SDHAF3: variants seen among roughly 807,000 people sequenced by gnomAD.
SDHAF3 encodes the protein succinate dehydrogenase assembly factor 3, mitochondrial.
In SDHAF3, 18 loss-of-function variants were observed where a neutral mutation model predicts 11.5. That is an observed-to-expected ratio of 1.56 (90% CI 1.08 to 2.32). The LOEUF is 2.32. SDHAF3 is among the 30% of genes most tolerant of loss of function. The probability of loss-of-function intolerance (pLI) is 0.00; values close to 1 mark genes in which losing one functional copy is unlikely to be tolerated. For missense variants in SDHAF3, 200 were observed against 154.4 expected (o/e 1.30, Z -1.57); for synonymous variants, 72 against 59.3 (o/e 1.21, Z -0.99).
chr7:97,125,428 T>C (rs1791560367), intron 1 of SDHAF3, among the ~76,000 whole-genome samples: 3 of 152,176 alleles, frequency 2.0e-5, no homozygotes, highest in Admixed American at 1.3e-4. Context: ...ACATTGTCTC[T>C]TTGTTCTCAT....
intron 1 of SDHAF3, among the ~76,000 whole-genome samples, chr7:97,141,277 C>T (rs1789033739): frequency 1.3e-5 from 2 of 152,158 alleles, no homozygotes; most frequent in African/African-American, 4.8e-5. Context: ...CCTGTGATCT[C>T]GCCCTGCCTC....
Position 97,134,689 on chromosome 7 carries a change from C to T in SDHAF3, c.174+16792C>T, listed in dbSNP as rs192054298. ...CTTGAACTCCTGACCTCAGATGACC[C>T]GTCTGCCTTGGCCTCCCAAAGTGCT... is the stretch of plus-strand genomic sequence containing the variant. On this transcript the variant is annotated intron_variant, in intron 1 of 1. Transcript: ENST00000432641. Among the ~76,000 whole-genome samples, 380 of 152,280 alleles carry T rather than the reference C, an allele frequency of 2.5e-3. 1 individual carries two copies. Among genetic ancestry groups the T allele is most frequent in the African/African-American group, 8.9e-3 (371 of 41,562 alleles).
chr7:97,146,951 C>T (rs1385448094), intron 1 of SDHAF3, among the ~76,000 whole-genome samples: 1 of 152,056 alleles, frequency 6.6e-6, no homozygotes, highest in Non-Finnish European at 1.5e-5. Context: ...CCGTGTTAGC[C>T]AGGATAGTCT....
intron 1 of SDHAF3, among the ~76,000 whole-genome samples, chr7:97,123,696 C>T (rs550699676): frequency 9.2e-5 from 14 of 151,912 alleles, no homozygotes; most frequent in East Asian, 1.9e-4. Context: ...TTCTAACTGG[C>T]GTGAGATGGT....
intron 1 of SDHAF3, among the ~76,000 whole-genome samples, chr7:97,124,630 A>C (rs1326838567): frequency 6.6e-6 from 1 of 152,214 alleles, no homozygotes; most frequent in Non-Finnish European, 1.5e-5. Flanking sequence ...ATCCATTAGC[A>C]TGGAAGGTTT....
At chr7:97,177,055 T>A (rs1361766699) in intron 1 of SDHAF3, among the ~76,000 whole-genome samples, 2 of 152,106 alleles carry the variant, frequency 1.3e-5, no homozygotes, top group Non-Finnish European at 2.9e-5. Flanking sequence ...ATATATATAT[T>A]TTTAAACTTT....
At chr7:97,147,611 AT>A (rs1273883059) in intron 1 of SDHAF3, among the ~76,000 whole-genome samples, 1 of 152,234 alleles carries the variant, frequency 6.6e-6, no homozygotes, top group African/African-American at 2.4e-5. Context: ...TCATGCTGCC[AT>A]GGGGGAGTGC....
intron 1 of SDHAF3, among the ~76,000 whole-genome samples, chr7:97,161,744 G>T (rs549291452): frequency 6.6e-6 from 1 of 152,240 alleles, no homozygotes; most frequent in African/African-American, 2.4e-5. Flanking sequence ...CTTCATCCAT[G>T]CCCCTGCGAA....
intron 1 of SDHAF3, among the ~76,000 whole-genome samples, chr7:97,176,785 CCT>C (rs1789686319): frequency 6.6e-6 from 1 of 151,750 alleles, no homozygotes; most frequent in Admixed American, 6.6e-5. Flanking sequence ...TAAATTATAC[CCT>C]AAGTGAAATA....
intron 1 of SDHAF3, among the ~76,000 whole-genome samples, chr7:97,146,124 CT>C (rs1470197901): frequency 6.6e-6 from 1 of 151,356 alleles, no homozygotes; most frequent in African/African-American, 2.4e-5. Flanking sequence ...CCCCCCCCCA[CT>C]TTTGAACGCT....
intron 1 of SDHAF3, among the ~76,000 whole-genome samples, chr7:97,179,716 CT>C (rs1322176115): frequency 1.3e-5 from 2 of 151,772 alleles, no homozygotes; most frequent in East Asian, 1.9e-4. Flanking sequence ...CTCCCCACCC[CT>C]ACCCCCCCTA....
chr7:97,168,558 TA>T (rs1789551619), intron 1 of SDHAF3, among the ~76,000 whole-genome samples: 1 of 152,216 alleles, frequency 6.6e-6, no homozygotes, highest in Admixed American at 6.5e-5. Flanking sequence ...CTGTCTCAGT[TA>T]TAATTTTGCA....
At chr7:97,173,525 T>TA (rs944305414) in intron 1 of SDHAF3, among the ~76,000 whole-genome samples, 1 of 150,632 alleles carries the variant, frequency 6.6e-6, no homozygotes, top group African/African-American at 2.4e-5. Flanking sequence ...ACCATACTAT[T>TA]ATGTCACCTC....
chr7:97,174,211 G>A lies in SDHAF3; in HGVS notation c.175-6801G>A, dbSNP rs143619332. 1.1e-4 allele frequency among the ~76,000 whole-genome samples: 17 copies of A among 152,272 alleles called. No homozygotes were observed. In the East Asian group the frequency reaches 2.9e-3, roughly 26 times the overall value. ...TGGGATTACAGGCATGAGCCACTGT[G>A]AGCATTTTTGTTCAAATAAGAAAGT... On this transcript the variant is annotated intron_variant, in intron 1 of 1. Coordinates refer to ENST00000432641, the MANE Select transcript of SDHAF3 (RefSeq NM_020186.3).
Position 97,117,721 on chromosome 7 carries a change from G to C in SDHAF3, c.-3G>C. The C allele has an allele frequency of 1.2e-6, 2 of 1,610,924 alleles. No homozygotes were observed. The highest frequency in any genetic ancestry group is 1.7e-6 in the Non-Finnish European group (2 of 1,178,400). On this transcript the variant is annotated 5_prime_UTR_variant, in exon 1 of 2. Coordinates refer to ENST00000432641, the MANE Select transcript of SDHAF3 (RefSeq NM_020186.3). ...GCGCAGTCGGCGGTCGGCGTGGGGC[G>C]CTATGCCGGGGCGGCACGTTTCTCG...
At chr7:97,138,972 T>G (rs912805192) in intron 1 of SDHAF3, among the ~76,000 whole-genome samples, 9 of 152,086 alleles carry the variant, frequency 5.9e-5, no homozygotes, top group Non-Finnish European at 1.3e-4. Context: ...ACACTCAGCC[T>G]GTGTCTGGGC....
chr7:97,168,421 T>A (rs747914129), intron 1 of SDHAF3, among the ~76,000 whole-genome samples: 4 of 152,158 alleles, frequency 2.6e-5, no homozygotes, highest in Non-Finnish European at 5.9e-5. Context: ...TGGGAAAGAT[T>A]GTGTTATATT....
intron 1 of SDHAF3, among the ~76,000 whole-genome samples, chr7:97,145,280 A>G (rs558971036): frequency 6.6e-6 from 1 of 152,120 alleles, no homozygotes; most frequent in Non-Finnish European, 1.5e-5. Context: ...GTCTGGGAAG[A>G]TGTAACTAAA....
rs1236277809 is a variant in SDHAF3, at chr7:97,136,392, T to C, written c.174+18495T>C. The C allele has an allele frequency of 4.7e-6, 3 of 640,318 alleles. 1 individual carries two copies. Among genetic ancestry groups the C allele is most frequent in the Non-Finnish European group, 8.6e-6 (3 of 346,942 alleles). The allele number at this position is 640,318 out of a possible 1,614,324, so 39.7% of individuals were successfully genotyped here. Reference sequence around the variant, plus strand: ...AATCAAATTTGTTTTAAATAGGGTATGTCCAGAAATCTTGATGCATGTATC... The same window carrying C: ...AATCAAATTTGTTTTAAATAGGGTACGTCCAGAAATCTTGATGCATGTATC... On this transcript the variant is annotated intron_variant, in intron 1 of 1. Coordinates refer to ENST00000432641, the MANE Select transcript of SDHAF3 (RefSeq NM_020186.3).
Sources: gnomAD v4.1 joint callset for allele counts (sites outside exome capture counted in the v4.1 genomes callset) on GRCh38, gnomAD v4.1.1 for gene constraint, MANE v1.5 for transcripts, NCBI Gene and HGNC (gene_info 2026-07-23, HGNC 2026-07-21) for gene names.